Variants in MLPH observed in about 807,000 individuals in gnomAD.
The protein encoded by MLPH is melanophilin, also known as exophilin-3.
A neutral mutation model predicts 72.1 loss-of-function variants in MLPH; 51 were observed. The observed-to-expected ratio is 0.71, with a 90% CI of 0.56 to 0.89. The LOEUF is 0.89. Among genes scored for constraint, MLPH ranks in the 40% least tolerant of loss-of-function variants. MLPH has a pLI of 0.00. For synonymous variants in MLPH, 301 were observed against 310.1 expected (o/e 0.97, Z 0.31); for missense variants, 743 against 759.9 (o/e 0.98, Z 0.26).
intron 8 of MLPH, among the ~76,000 whole-genome samples, chr2:237,530,548 C>T (rs1434405050): frequency 6.6e-6 from 1 of 152,178 alleles, no homozygotes; most frequent in Non-Finnish European, 1.5e-5. Flanking sequence ...ACTGTAGTGT[C>T]ATCTGGAAGC....
In MLPH at chr2:237,534,561, C is replaced by T; in HGVS notation, c.1021-3C>T. On this transcript the variant is annotated splice_polypyrimidine_tract_variant and splice_region_variant and intron_variant, in intron 8 of 15. Coordinates refer to ENST00000264605, the MANE Select transcript of MLPH (RefSeq NM_024101.7). ...GCCCACTGTTTCTCTCCTTCTGCTGCAGATCTTTGAGCTGAATAAGCATAT... is the reference window on the plus strand; with the variant it reads ...GCCCACTGTTTCTCTCCTTCTGCTGTAGATCTTTGAGCTGAATAAGCATAT... The T allele has an allele frequency of 6.2e-7, 1 of 1,612,882 alleles. No individual in the cohort carries two copies.
chr2:237,526,720 A>G (rs1158152745), intron 7 of MLPH, among the ~76,000 whole-genome samples: 1 of 152,096 alleles, frequency 6.6e-6, no homozygotes, highest in Admixed American at 6.6e-5. Flanking sequence ...AGTCTGTTTC[A>G]CTGGTTCTCA....
At position 237,549,345 on chromosome 2, in the gene MLPH, G is replaced by T. The variant is rs184741421; in HGVS notation, c.1675+67G>T. 2.0e-4 allele frequency: 268 copies of T among 1,344,960 alleles called. 2 individuals are homozygous for T. The Middle Eastern group carries it at 8.5e-3, about 43-fold the overall frequency. The allele number at this position is 1,344,960 out of a possible 1,614,324, so 83.3% of individuals were successfully genotyped here. A position where few individuals can be genotyped will look rare whatever the true frequency, so the allele number is the denominator to read the frequency against. On this transcript the variant is annotated intron_variant, in intron 14 of 15. Transcript: ENST00000264605. ...TGAGCTTCGGGGAGGAAAATGACCA[G>T]TCGCAGCTCTGTGTGTTTCTTCATT...
chr2:237,496,624 C>T (rs1055715486), intron 2 of MLPH, among the ~76,000 whole-genome samples: 26 of 152,120 alleles, frequency 1.7e-4, no homozygotes, highest in African/African-American at 6.3e-4. Context: ...TGGTTACAGC[C>T]GAGGTCACAT....
intron 9 of MLPH, 118 bp from the exon 10 acceptor site, chr2:237,540,230 C>A: frequency 8.7e-7 from 1 of 1,149,922 alleles, no homozygotes; most frequent in Non-Finnish European, 1.2e-6. Context: ...AGGGAGGCAG[C>A]TGAGCTCAGC....
intron 9 of MLPH, among the ~76,000 whole-genome samples, chr2:237,539,324 G>A (rs1051347825): frequency 5.9e-5 from 9 of 152,238 alleles, no homozygotes; most frequent in African/African-American, 1.9e-4. Context: ...GGGGCCTCGC[G>A]TAGGCAGAGC....
At chr2:237,519,879 T>C (rs1039125532) in intron 5 of MLPH, 31 bp from the exon 6 acceptor site, 13 of 1,613,752 alleles carry the variant, frequency 8.1e-6, no homozygotes, top group Non-Finnish European at 1.0e-5. Context: ...TAGCCCTGAC[T>C]TGAGTCTTGC....
At chr2:237,518,707 C>T (rs2080108531) in intron 5 of MLPH, 59 bp downstream of exon 5, 10 of 1,358,942 alleles carry the variant, frequency 7.4e-6, no homozygotes, top group East Asian at 2.4e-5. Flanking sequence ...GCAGCTGGGA[C>T]GTCAGGTTCT....
intron 2 of MLPH, among the ~76,000 whole-genome samples, chr2:237,499,848 A>G (rs2079610001): frequency 6.6e-6 from 1 of 152,004 alleles, no homozygotes; most frequent in Non-Finnish European, 1.5e-5. Context: ...AGGCTCAAGT[A>G]ACCCTCCCAC....
intron 4 of MLPH, among the ~76,000 whole-genome samples, chr2:237,516,727 C>G (rs2080026209): frequency 6.6e-6 from 1 of 151,760 alleles, no homozygotes; most frequent in African/African-American, 2.4e-5. Flanking sequence ...CAGCAGAGAG[C>G]CTTCGCTGGA....
chr2:237,535,808 T>C (rs2080519101), intron 9 of MLPH, among the ~76,000 whole-genome samples: 1 of 152,344 alleles, frequency 6.6e-6, no homozygotes, highest in African/African-American at 2.4e-5. Flanking sequence ...ACAAGGCCTA[T>C]AATTACATTG....
intron 8 of MLPH, among the ~76,000 whole-genome samples, chr2:237,529,680 T>C (rs1381448512): frequency 6.6e-6 from 1 of 152,230 alleles, no homozygotes; most frequent in African/African-American, 2.4e-5. Context: ...GGGACTGTTC[T>C]GTAACTGATG....
At chr2:237,552,499 A>G in intron 15 of MLPH, 62 bp downstream of exon 15, 1 of 1,400,128 alleles carries the variant, frequency 7.1e-7, no homozygotes, top group East Asian at 2.3e-5. Flanking sequence ...AGATTTATGT[A>G]TTAAAATTAA....
intron 1 of MLPH, among the ~76,000 whole-genome samples, chr2:237,492,939 G>T (rs974559875): frequency 6.6e-6 from 1 of 152,222 alleles, no homozygotes; most frequent in East Asian, 1.9e-4. Context: ...AGATGCACAG[G>T]AGACTCTGAG....
intron 8 of MLPH, among the ~76,000 whole-genome samples, chr2:237,532,011 C>T (rs922045380): frequency 1.3e-5 from 2 of 152,228 alleles, no homozygotes; most frequent in African/African-American, 4.8e-5. Context: ...ACAACCTCAA[C>T]TAATATTTCA....
Position 237,554,638 on chromosome 2 carries a change from T to C in MLPH, c.*1046T>C, listed in dbSNP as rs2081095947. The C allele has an allele frequency of 6.6e-6, 1 of 152,216 alleles. No individual in the cohort carries two copies. The allele number at this position is 152,216 out of a possible 1,614,324, so 9.4% of individuals were successfully genotyped here. Reference sequence around the variant, plus strand: ...GAGGTTCACTTTAGACAGGACCCAATGGCTGCACTGCCTTTGTCAGAGGGG... The same window carrying C: ...GAGGTTCACTTTAGACAGGACCCAACGGCTGCACTGCCTTTGTCAGAGGGG... On this transcript the variant is annotated 3_prime_UTR_variant, in exon 16 of 16. Coordinates refer to ENST00000264605, the MANE Select transcript of MLPH (RefSeq NM_024101.7).
chr2:237,506,928 G>A (rs1423475875), intron 2 of MLPH, among the ~76,000 whole-genome samples: 1 of 151,998 alleles, frequency 6.6e-6, no homozygotes, highest in South Asian at 2.1e-4. Context: ...GAAAATCTAG[G>A]CTCATACAGA....
At chr2:237,535,197 G>C (rs1414286869) in intron 9 of MLPH, among the ~76,000 whole-genome samples, 1 of 152,142 alleles carries the variant, frequency 6.6e-6, no homozygotes, top group Non-Finnish European at 1.5e-5. Flanking sequence ...GGCACATGGT[G>C]ACAGAGGGCA....
chr2:237,514,964 G>A (rs139650519), intron 4 of MLPH, among the ~76,000 whole-genome samples: 15 of 152,316 alleles, frequency 9.8e-5, no homozygotes, highest in Admixed American at 3.3e-4. Context: ...CAGTAACAGC[G>A]TGTGCTTGTC....
Sources: gnomAD v4.1 joint callset for allele counts (sites outside exome capture counted in the v4.1 genomes callset) on GRCh38, gnomAD v4.1.1 for gene constraint, MANE v1.5 for transcripts, NCBI Gene and HGNC (gene_info 2026-07-23, HGNC 2026-07-21) for gene names.